NCALD: variants seen among roughly 807,000 people sequenced by gnomAD.
NCALD encodes neurocalcin delta.
Under a neutral mutation model 18.6 loss-of-function variants are expected in NCALD, and 10 were observed. That is an observed-to-expected ratio of 0.54 (90% CI 0.33 to 0.91). The LOEUF is 0.91. NCALD is among the 40% of genes least tolerant of loss of function. The pLI is 0.03. For synonymous variants in NCALD, 88 were observed against 87.4 expected (o/e 1.01, Z -0.04); for missense variants, 184 against 247.6 (o/e 0.74, Z 1.72).
chr8:102,049,404 C>A (rs1283124570), intron 1 of NCALD, among the ~76,000 whole-genome samples: 1 of 152,060 alleles, frequency 6.6e-6, no homozygotes, highest in Non-Finnish European at 1.5e-5. Context: ...AAAAATATTC[C>A]ATTGTATGGA....
chr8:102,058,494 T>C (rs1395776625), intron 1 of NCALD, among the ~76,000 whole-genome samples: 2 of 152,200 alleles, frequency 1.3e-5, no homozygotes, highest in African/African-American at 4.8e-5. Context: ...TTCTCTAAAA[T>C]AGTCAATCAA....
At chr8:101,826,386 A>AAT (rs201690049) in intron 4 of NCALD, among the ~76,000 whole-genome samples, 6,321 of 152,244 alleles carry the variant, frequency 0.042, 321 homozygotes, top group East Asian at 0.12. Context: ...TCTTCATGAG[A>AAT]CTTCTAGAAT....
chr8:101,726,387 G>A (rs1449236930), intron 1 of NCALD, among the ~76,000 whole-genome samples: 1 of 152,172 alleles, frequency 6.6e-6, no homozygotes, highest in Non-Finnish European at 1.5e-5. Flanking sequence ...AAGAGGTGAT[G>A]GTGGTGGGAA....
intron 4 of NCALD, among the ~76,000 whole-genome samples, chr8:101,861,178 T>C (rs1815527519): frequency 6.6e-6 from 1 of 152,048 alleles, no homozygotes. Flanking sequence ...CTGTGTTACT[T>C]TAAGTCATTA....
intron 2 of NCALD, among the ~76,000 whole-genome samples, chr8:101,707,470 T>C (rs1815582051): frequency 6.6e-6 from 1 of 152,204 alleles, no homozygotes; most frequent in African/African-American, 2.4e-5. Flanking sequence ...TGTATAGATA[T>C]GTATGCCTTA....
At chr8:102,095,335 T>A (rs1306321807) in intron 1 of NCALD, among the ~76,000 whole-genome samples, 1 of 152,112 alleles carries the variant, frequency 6.6e-6, no homozygotes, top group Non-Finnish European at 1.5e-5. Context: ...GAGATGTGAA[T>A]AAAGAACACG....
rs11305701 is a variant in NCALD, at chr8:101,957,289, GTTTTTTT to G, written c.-156-41438_-156-41432del. ...ATGGGTAGTAAAAAGAAAAGTTGGG[GTTTTTTT>G]TTTTTTTTTTTTTTTTTTAGCACAA... On this transcript the variant is annotated intron_variant, in intron 2 of 6. Transcript: ENST00000311028. Among the ~76,000 whole-genome samples, 33 of 99,498 alleles carry G rather than the reference GTTTTTTT, an allele frequency of 3.3e-4. 1 individual carries two copies. Among genetic ancestry groups the G allele is most frequent in the African/African-American group, 1.1e-3 (27 of 25,142 alleles). 65.3% of individuals were successfully genotyped at this position (99,498 alleles called of 152,430 possible).
chr8:101,741,630 A>G (rs1052665560), intron 1 of NCALD, among the ~76,000 whole-genome samples: 4 of 60,374 alleles, frequency 6.6e-5, no homozygotes, highest in Non-Finnish European at 1.5e-4. Flanking sequence ...GATTACAGTG[A>G]AAGGAAAAAA....
chr8:101,958,721 G>C (rs1819728314), intron 2 of NCALD, among the ~76,000 whole-genome samples: 2 of 152,102 alleles, frequency 1.3e-5, no homozygotes, highest in Non-Finnish European at 2.9e-5. Context: ...AGGACACTCA[G>C]AAATAGGATT....
intron 1 of NCALD, among the ~76,000 whole-genome samples, chr8:101,753,496 T>C (rs1586405258): frequency 6.6e-6 from 1 of 152,182 alleles, no homozygotes; most frequent in East Asian, 1.9e-4. Context: ...TACAATGTCA[T>C]GTTTTTAGGG....
At position 101,873,589 on chromosome 8, in the gene NCALD, G is replaced by T. The variant is rs62518465; in HGVS notation, c.-20+13552C>A. Among the ~76,000 whole-genome samples, 334 of 152,298 alleles carry T rather than the reference G, an allele frequency of 2.2e-3. 2 individuals are homozygous for T. The highest frequency in any genetic ancestry group is 3.9e-3 in the South Asian group (19 of 4,824). ...GGAGTGGTTTAAAGAAAGACATTAA[G>T]TAAAAAATAATATAGATAGAATGTG... On this transcript the variant is annotated intron_variant, in intron 4 of 6. Coordinates refer to the NCALD transcript ENST00000311028.
At chr8:101,878,942 T>C (rs1302277656) in intron 4 of NCALD, among the ~76,000 whole-genome samples, 1 of 152,208 alleles carries the variant, frequency 6.6e-6, no homozygotes, top group African/African-American at 2.4e-5. Flanking sequence ...TCATGGAACT[T>C]AGAGTCTAAG....
chr8:101,860,312 AG>A (rs1319893648), intron 4 of NCALD, among the ~76,000 whole-genome samples: 9 of 152,204 alleles, frequency 5.9e-5, no homozygotes, highest in African/African-American at 1.9e-4. Context: ...AAGGCCATGG[AG>A]GACATCCAAC....
At chr8:101,784,187 T>C (rs1812128438) in intron 1 of NCALD, among the ~76,000 whole-genome samples, 1 of 152,112 alleles carries the variant, frequency 6.6e-6, no homozygotes, top group Admixed American at 6.6e-5. Flanking sequence ...ATCTGACAGC[T>C]TGCTCACTCA....
chr8:101,775,424 C>T (rs557894561), intron 1 of NCALD, among the ~76,000 whole-genome samples: 30 of 152,248 alleles, frequency 2.0e-4, no homozygotes, highest in Non-Finnish European at 3.1e-4. Context: ...AGCTGGTGTG[C>T]GTTAAGAATC....
chr8:101,814,738 T>C (rs936929056), intron 4 of NCALD, among the ~76,000 whole-genome samples: 1 of 152,076 alleles, frequency 6.6e-6, no homozygotes, highest in African/African-American at 2.4e-5. Context: ...ACTCCTGTAC[T>C]AATAAGGGAT....
intron 2 of NCALD, among the ~76,000 whole-genome samples, chr8:101,981,427 A>G (rs535016025): frequency 1.3e-5 from 2 of 152,332 alleles, no homozygotes; most frequent in African/African-American, 4.8e-5. Flanking sequence ...AAAGATTAAA[A>G]CTTTTAATTA....
intron 2 of NCALD, among the ~76,000 whole-genome samples, chr8:101,711,221 A>G (rs1815776537): frequency 6.6e-6 from 1 of 152,186 alleles, no homozygotes; most frequent in African/African-American, 2.4e-5. Flanking sequence ...AATAGCATCA[A>G]CATCACCAAA....
chr8:101,762,023 G>A (rs1407770457), intron 1 of NCALD, among the ~76,000 whole-genome samples: 1 of 152,280 alleles, frequency 6.6e-6, no homozygotes, highest in Admixed American at 6.5e-5. Flanking sequence ...GGAGCATAAG[G>A]GCAATTCTTC....
Sources: gnomAD v4.1 joint callset for allele counts (sites outside exome capture counted in the v4.1 genomes callset) on GRCh38, gnomAD v4.1.1 for gene constraint, MANE v1.5 for transcripts, NCBI Gene and HGNC (gene_info 2026-07-23, HGNC 2026-07-21) for gene names.